Variants in RAPGEF1 observed in about 807,000 individuals in gnomAD.
RAPGEF1 encodes the protein CRK SH3-binding GNRP.
A neutral mutation model predicts 143.3 loss-of-function variants in RAPGEF1; 33 were observed. That is an observed-to-expected ratio of 0.23 (90% CI 0.17 to 0.31). The LOEUF is 0.31. RAPGEF1 is among the 10% of genes least tolerant of loss of function. RAPGEF1 has a pLI of 1.00. For missense variants in RAPGEF1, 1,199 were observed against 1,645.4 expected (o/e 0.73, Z 4.69); for synonymous variants, 629 against 676.5 (o/e 0.93, Z 1.09).
At chr9:131,721,260 G>T (rs184394711) in intron 1 of RAPGEF1, among the ~76,000 whole-genome samples, 4 of 152,178 alleles carry the variant, frequency 2.6e-5, no homozygotes, top group African/African-American at 4.8e-5. Context: ...CATTTCGAAG[G>T]GGGTAGGGAG....
intron 1 of RAPGEF1, among the ~76,000 whole-genome samples, chr9:131,710,122 G>C (rs531238238): frequency 6.6e-6 from 1 of 152,290 alleles, no homozygotes; most frequent in African/African-American, 2.4e-5. Flanking sequence ...CCATTCTGGG[G>C]CATGCCAGGA....
Position 131,674,192 on chromosome 9 carries a change from G to A in RAPGEF1, c.62-23243C>T, listed in dbSNP as rs533119062. On this transcript the variant is annotated intron_variant, in intron 1 of 26. Coordinates refer to ENST00000683357, the MANE Select transcript of RAPGEF1 (RefSeq NM_001377935.1). ...TATTTTCGTGTTCTTTGTGGTGGGG[G>A]TTGAGAGCAGTGTTTTTAAATTTTT... 2.0e-5 allele frequency among the ~76,000 whole-genome samples: 3 copies of A among 152,266 alleles called. No individual in the cohort carries two copies. The South Asian group carries it at 6.2e-4, about 32-fold the overall frequency.
chr9:131,592,529 T>C (rs1954503513), intron 17 of RAPGEF1, among the ~76,000 whole-genome samples: 1 of 152,098 alleles, frequency 6.6e-6, no homozygotes, highest in African/African-American at 2.4e-5. Flanking sequence ...AAAGGGCACT[T>C]AGGCTGACGA....
At chr9:131,602,937 A>C (rs1956502707) in intron 14 of RAPGEF1, among the ~76,000 whole-genome samples, 1 of 152,224 alleles carries the variant, frequency 6.6e-6, no homozygotes, top group Non-Finnish European at 1.5e-5. Context: ...TGGAAGTGTC[A>C]CAGTGGAGGG....
intron 1 of RAPGEF1, chr9:131,725,520 G>A (rs35764945): frequency 0.22 from 33,809 of 152,010 alleles, 4,306 homozygotes; most frequent in Non-Finnish European, 0.29. Context: ...GCGCAGCAGC[G>A]CTATCAGAGC....
Position 131,709,821 on chromosome 9 carries a change from C to T in RAPGEF1, c.61+29949G>A, listed in dbSNP as rs1203313359. On this transcript the variant is annotated intron_variant, in intron 1 of 26. Transcript: ENST00000683357. Reference sequence around the variant, plus strand: ...CAGCGGCAGAACCCAGGCAGCCTCACAAGGGAAGCCTGAGGAATCTCATTC... The same window carrying T: ...CAGCGGCAGAACCCAGGCAGCCTCATAAGGGAAGCCTGAGGAATCTCATTC... 10 of 1,460,336 alleles carry T rather than the reference C, an allele frequency of 6.8e-6. 1 individual carries two copies. Among genetic ancestry groups the T allele is most frequent in the Non-Finnish European group, 9.0e-7 (1 of 1,109,826 alleles). 90.5% of individuals were successfully genotyped at this position (1,460,336 alleles called of 1,614,324 possible). A position where few individuals can be genotyped will look rare whatever the true frequency, so the allele number is the denominator to read the frequency against.
At chr9:131,691,405 C>T (rs1398268240) in intron 1 of RAPGEF1, among the ~76,000 whole-genome samples, 2 of 152,122 alleles carry the variant, frequency 1.3e-5, no homozygotes, top group Admixed American at 6.5e-5. Context: ...ATCTGATATG[C>T]TGTCAGTCAT....
intron 1 of RAPGEF1, among the ~76,000 whole-genome samples, chr9:131,709,149 C>T (rs933309509): frequency 5.6e-4 from 86 of 152,278 alleles, no homozygotes; most frequent in African/African-American, 1.9e-3. Flanking sequence ...GAGTTCAAGA[C>T]CAGCCTGGCC....
chr9:131,659,351 A>AT (rs1973375039), intron 1 of RAPGEF1, among the ~76,000 whole-genome samples: 1 of 151,790 alleles, frequency 6.6e-6, no homozygotes, highest in African/African-American at 2.4e-5. Context: ...CTATTTATTT[A>AT]TTTTATCTTG....
At chr9:131,724,239 C>A (rs1451521216) in intron 1 of RAPGEF1, among the ~76,000 whole-genome samples, 1 of 152,156 alleles carries the variant, frequency 6.6e-6, no homozygotes. Flanking sequence ...AATTTTCAGA[C>A]ATGCTTTCAG....
chr9:131,582,389 A>G (rs1476027587), intron 25 of RAPGEF1, among the ~76,000 whole-genome samples: 3 of 151,644 alleles, frequency 2.0e-5, no homozygotes, highest in African/African-American at 7.3e-5. Context: ...TTCTGTTTAA[A>G]CTGTATTATA....
intron 1 of RAPGEF1, among the ~76,000 whole-genome samples, chr9:131,701,580 T>C (rs1251645947): frequency 1.3e-5 from 2 of 152,236 alleles, no homozygotes; most frequent in African/African-American, 4.8e-5. Flanking sequence ...GTTACATATA[T>C]TATTGCATCA....
At chr9:131,614,658 AGC>A (rs1255241613) in intron 12 of RAPGEF1, among the ~76,000 whole-genome samples, 2 of 152,234 alleles carry the variant, frequency 1.3e-5, no homozygotes. Flanking sequence ...ATGGGGACTG[AGC>A]GTCTGCATGA....
At chr9:131,662,258 C>T (rs1379599906) in intron 1 of RAPGEF1, among the ~76,000 whole-genome samples, 2 of 152,060 alleles carry the variant, frequency 1.3e-5, no homozygotes, top group South Asian at 2.1e-4. Context: ...CTTAAAGACC[C>T]GAGTCCTTAA....
chr9:131,580,644 AT>A (rs1951724692), intron 25 of RAPGEF1, among the ~76,000 whole-genome samples: 1 of 152,152 alleles, frequency 6.6e-6, no homozygotes, highest in Non-Finnish European at 1.5e-5. Flanking sequence ...TGCGGCTGCC[AT>A]GGCTCAACCC....
At chr9:131,622,208 C>A (rs565027588) in intron 10 of RAPGEF1, among the ~76,000 whole-genome samples, 1 of 152,260 alleles carries the variant, frequency 6.6e-6, no homozygotes, top group South Asian at 2.1e-4. Flanking sequence ...CCGGCAGACG[C>A]GCAACACCAA....
In RAPGEF1 at chr9:131,619,031, A is replaced by T; in HGVS notation, c.2061+20T>A. ...CCTGTTCACGCGTTTCCAAGTAAAGAACAGCAGGGAGCAACTCACCGAGGG... is the reference window on the plus strand; with the variant it reads ...CCTGTTCACGCGTTTCCAAGTAAAGTACAGCAGGGAGCAACTCACCGAGGG... On this transcript the variant is annotated intron_variant, in intron 12 of 26. Transcript: ENST00000683357. 7.4e-7 allele frequency: 1 copy of T among 1,352,880 alleles called. No homozygotes were observed. The highest frequency in any genetic ancestry group is 9.8e-7 in the Non-Finnish European group (1 of 1,015,992). The allele number at this position is 1,352,880 out of a possible 1,614,324, so 83.8% of individuals were successfully genotyped here. A position where few individuals can be genotyped will look rare whatever the true frequency, so the allele number is the denominator to read the frequency against.
In RAPGEF1 at chr9:131,628,684, C is replaced by A; in HGVS notation, c.894-12G>T. 1 of 1,592,000 alleles carries A rather than the reference C, an allele frequency of 6.3e-7. No homozygotes were observed. Among genetic ancestry groups the A allele is most frequent in the Non-Finnish European group, 8.6e-7 (1 of 1,164,908 alleles). The stretch of plus-strand genomic sequence containing the variant: ...ATGCTGGTGGAGGACTGAAACAGAC[C>A]GAAACGTCCAGGCAGACCAAACCAC... On this transcript the variant is annotated splice_polypyrimidine_tract_variant and intron_variant, in intron 7 of 26. Transcript: ENST00000683357. The surrounding 1 kb of genome is among the most constrained non-coding windows in gnomAD (Gnocchi z 5.7).
chr9:131,657,609 C>T (rs946203984), intron 1 of RAPGEF1, among the ~76,000 whole-genome samples: 3 of 152,176 alleles, frequency 2.0e-5, no homozygotes, highest in South Asian at 2.1e-4. Flanking sequence ...CTGTCTAACA[C>T]GACAGGCACT....
Sources: allele counts gnomAD v4.1 joint callset (sites outside exome capture counted in the v4.1 genomes callset), GRCh38; gene constraint gnomAD v4.1.1; non-coding constraint Gnocchi (gnomAD v3.1); transcripts MANE v1.5; gene names NCBI Gene and HGNC (gene_info 2026-07-23, HGNC 2026-07-21).